ARL15: variants seen among roughly 807,000 people sequenced by gnomAD.
ARL15 encodes ADP-ribosylation factor-like protein 15.
A neutral mutation model predicts 25.2 loss-of-function variants in ARL15; 19 were observed. The ratio of observed to expected loss-of-function variants is 0.75; its 90% CI spans 0.53 to 1.10. The LOEUF (loss-of-function observed/expected upper bound fraction) is 1.10. ARL15 is among the 50% of genes least tolerant of loss of function. The pLI is 0.00. For synonymous variants in ARL15, 94 were observed against 86.8 expected (o/e 1.08, Z -0.46); for missense variants, 220 against 246.0 (o/e 0.89, Z 0.71).
intron 4 of ARL15, among the ~76,000 whole-genome samples, chr5:53,921,043 C>A (rs941662333): frequency 6.6e-6 from 1 of 152,168 alleles, no homozygotes; most frequent in African/African-American, 2.4e-5. Flanking sequence ...GAGCAGAGTG[C>A]CCCCACTGAC....
intron 4 of ARL15, among the ~76,000 whole-genome samples, chr5:53,976,704 G>T (rs577452566): frequency 6.6e-5 from 10 of 152,240 alleles, no homozygotes; most frequent in African/African-American, 2.4e-4. Context: ...TTGGCATGTC[G>T]AGCTTGAGGT....
chr5:53,944,063 GA>G (rs1561159656), intron 4 of ARL15, among the ~76,000 whole-genome samples: 3 of 152,188 alleles, frequency 2.0e-5, no homozygotes, highest in Non-Finnish European at 4.4e-5. Context: ...GTGAAGGATA[GA>G]AAATGAATTA....
intron 4 of ARL15, among the ~76,000 whole-genome samples, chr5:53,976,181 G>T (rs899681130): frequency 1.3e-5 from 2 of 152,172 alleles, no homozygotes; most frequent in Non-Finnish European, 2.9e-5. Context: ...AGGGTCTACT[G>T]GGGTAGTGTA....
At chr5:54,247,802 C>G (rs1337205158) in intron 1 of ARL15, among the ~76,000 whole-genome samples, 1 of 151,954 alleles carries the variant, frequency 6.6e-6, no homozygotes, top group African/African-American at 2.4e-5. Context: ...TGGACAAATG[C>G]TTGTCAGGTT....
intron 2 of ARL15, among the ~76,000 whole-genome samples, chr5:54,170,708 T>A (rs576476458): frequency 6.6e-6 from 1 of 152,168 alleles, no homozygotes; most frequent in Admixed American, 6.5e-5. Context: ...AAATCATGCA[T>A]CCTTCCCTTC....
At chr5:54,105,029 C>T (rs2112190894) in intron 4 of ARL15, among the ~76,000 whole-genome samples, 1 of 151,304 alleles carries the variant, frequency 6.6e-6, no homozygotes, top group African/African-American at 2.4e-5. Context: ...TTAAAGCAGA[C>T]ACTATGTAAT....
chr5:54,076,989 T>G (rs1379401211), intron 4 of ARL15, among the ~76,000 whole-genome samples: 1 of 152,112 alleles, frequency 6.6e-6, no homozygotes, highest in Non-Finnish European at 1.5e-5. Context: ...GCTTCCCTTA[T>G]GAGAACATCT....
intron 4 of ARL15, among the ~76,000 whole-genome samples, chr5:54,067,861 A>G (rs947470951): frequency 2.6e-5 from 4 of 152,130 alleles, no homozygotes; most frequent in African/African-American, 9.7e-5. Context: ...CTTTCTCCTA[A>G]GTTTCACTCA....
chr5:54,062,168 C>T (rs1041062048), intron 4 of ARL15, among the ~76,000 whole-genome samples: 2 of 152,160 alleles, frequency 1.3e-5, no homozygotes, highest in African/African-American at 2.4e-5. Flanking sequence ...CCGCATTGTA[C>T]GTAGGAAGTA....
chr5:54,275,894 C>T (rs919412753), intron 1 of ARL15, among the ~76,000 whole-genome samples: 14 of 150,228 alleles, frequency 9.3e-5, no homozygotes, highest in East Asian at 3.9e-4. Flanking sequence ...GGGGTTTCAC[C>T]ATGTTAGCCA....
intron 3 of ARL15, among the ~76,000 whole-genome samples, chr5:54,145,934 G>A (rs1051971845): frequency 6.6e-6 from 1 of 152,100 alleles, no homozygotes; most frequent in African/African-American, 2.4e-5. Flanking sequence ...TAAACTTAGT[G>A]TATCTCCATG....
chr5:54,239,582 A>C (rs573813224), intron 1 of ARL15, among the ~76,000 whole-genome samples: 142 of 152,306 alleles, frequency 9.3e-4, no homozygotes, highest in African/African-American at 3.4e-3. Flanking sequence ...TGTGTTTTCC[A>C]GCCTCACTTG....
At chr5:54,068,442 C>A (rs1579760844) in intron 4 of ARL15, among the ~76,000 whole-genome samples, 1 of 152,122 alleles carries the variant, frequency 6.6e-6, no homozygotes, top group African/African-American at 2.4e-5. Flanking sequence ...CCATTTGGAC[C>A]AATCTAGGTG....
intron 4 of ARL15, among the ~76,000 whole-genome samples, chr5:53,926,615 G>A (rs926301465): frequency 6.6e-6 from 1 of 152,134 alleles, no homozygotes; most frequent in Non-Finnish European, 1.5e-5. Flanking sequence ...CAAATTGACA[G>A]TGAGTGGCTT....
intron 4 of ARL15, among the ~76,000 whole-genome samples, chr5:53,936,648 C>A (rs1220284595): frequency 1.3e-5 from 2 of 152,202 alleles, no homozygotes; most frequent in African/African-American, 4.8e-5. Flanking sequence ...GATAGCTGCT[C>A]TTGCCATTGT....
chr5:53,959,223 A>T (rs1161327320), intron 4 of ARL15, among the ~76,000 whole-genome samples: 1 of 152,232 alleles, frequency 6.6e-6, no homozygotes, highest in Non-Finnish European at 1.5e-5. Flanking sequence ...TTTTAAAAAA[A>T]TTTTGTTTCA....
At chr5:54,265,452 T>TGGTA (rs1757600724) in intron 1 of ARL15, among the ~76,000 whole-genome samples, 1 of 152,168 alleles carries the variant, frequency 6.6e-6, no homozygotes, top group Non-Finnish European at 1.5e-5. Context: ...AGTAAGAGCA[T>TGGTA]GGTACACTTG....
intron 1 of ARL15, among the ~76,000 whole-genome samples, chr5:54,192,921 G>A (rs1579895459): frequency 6.6e-6 from 1 of 152,138 alleles, no homozygotes; most frequent in Non-Finnish European, 1.5e-5. Flanking sequence ...TCTTACTGGG[G>A]TGGTGAAGAC....
At chr5:54,205,313 T>C (rs1247408421) in intron 1 of ARL15, among the ~76,000 whole-genome samples, 2 of 152,174 alleles carry the variant, frequency 1.3e-5, no homozygotes, top group Admixed American at 1.3e-4. Flanking sequence ...TTGCCCAAGA[T>C]GACACTGCTA....
Sources: gnomAD v4.1 joint callset for allele counts (sites outside exome capture counted in the v4.1 genomes callset) on GRCh38, gnomAD v4.1.1 for gene constraint, MANE v1.5 for transcripts, NCBI Gene and HGNC (gene_info 2026-07-23, HGNC 2026-07-21) for gene names.